Variants in KLK8 observed in about 807,000 individuals in gnomAD.
The protein encoded by KLK8 is kallikrein related peptidase 8, also known as kallikrein-8.
In KLK8, 18 loss-of-function variants were observed where a neutral mutation model predicts 26.7. The observed-to-expected ratio is 0.67, with a 90% CI of 0.47 to 1.00. The LOEUF (loss-of-function observed/expected upper bound fraction) is 1.00, where lower values mean the gene tolerates loss of function less well. Ranked by LOEUF, KLK8 falls within the 50% of genes least tolerant of loss-of-function variation. The probability of loss-of-function intolerance (pLI) is 0.00; values close to 1 mark genes in which losing one functional copy is unlikely to be tolerated. For synonymous variants in KLK8, 137 were observed against 127.1 expected (o/e 1.08, Z -0.52); for missense variants, 301 against 331.7 (o/e 0.91, Z 0.72).
chr19:51,001,245 C>T, intron 2 of KLK8, 70 bp from the exon 2 acceptor site: 1 of 1,382,770 alleles, frequency 7.2e-7, no homozygotes, highest in Non-Finnish European at 1.0e-6. Context: ...TGGATTTGGG[C>T]ACTGGGGAGG....
intron 5 of KLK8, chr19:50,998,970 G>A (rs1305906893): frequency 6.6e-6 from 1 of 152,244 alleles, no homozygotes; most frequent in Non-Finnish European, 1.5e-5. Flanking sequence ...GCGAGCACGT[G>A]TGTTTCCACA....
chr19:50,999,237 C>T (rs563117347), intron 5 of KLK8: 1 of 152,176 alleles, frequency 6.6e-6, no homozygotes, highest in East Asian at 1.9e-4. Context: ...GGCCTAGACT[C>T]CCGGGTCTGA....
Position 51,000,715 on chromosome 19 carries a change from C to T in KLK8, c.71-132G>A, listed in dbSNP as rs765193537. ...CTTAGTGAGGAGGTCCAGGCTTCCA[C>T]ACGCTGCCACACGGGGACACTCATT... On this transcript the variant is annotated intron_variant, in intron 3 of 6. Transcript: ENST00000600767. 4 of 1,531,036 alleles carry T rather than the reference C, an allele frequency of 2.6e-6. No homozygotes were observed. In the Admixed American group the frequency reaches 6.0e-5, roughly 23 times the overall value. 94.8% of individuals were successfully genotyped at this position (1,531,036 alleles called of 1,614,324 possible).
At chr19:51,000,630 C>T (rs765512862) in intron 3 of KLK8, 47 bp from the exon 3 acceptor site, 2 of 1,603,254 alleles carry the variant, frequency 1.2e-6, no homozygotes, top group South Asian at 1.1e-5. Flanking sequence ...TGGGGCAGTG[C>T]GAGGGCTGGG....
In KLK8 at chr19:51,000,505, A is replaced by T; in HGVS notation, c.149T>A (p.Leu50Ter). 6.2e-7 allele frequency: 1 copy of T among 1,614,016 alleles called. No individual in the cohort carries two copies. Among genetic ancestry groups the T allele is most frequent in the Non-Finnish European group, 8.5e-7 (1 of 1,180,008 alleles). Residue 50 changes from leucine to a stop codon, truncating the protein, a stop_gained, in exon 4 of 7, where the codon TTG becomes TAG. Transcript: ENST00000600767. LOFTEE classifies it high-confidence loss of function. ...ACAGAGTAGTTGCTGGCCCTGGAAC[A>T]AGGCCGCCTGCCAAGGCTGCGAATG...
At chr19:50,997,094 T>C (rs1236406058) in intron 6 of KLK8, among the ~76,000 whole-genome samples, 1 of 152,046 alleles carries the variant, frequency 6.6e-6, no homozygotes, top group Non-Finnish European at 1.5e-5. Context: ...GGACCAGTCA[T>C]TGGCAAAGGT....
chr19:50,996,133 C>G (rs144236055), exon 7 of KLK8: 2 of 1,614,200 alleles, frequency 1.2e-6, no homozygotes, highest in Non-Finnish European at 1.7e-6. Flanking sequence ...CCAGGTTTGT[C>G]GGACCTCCCA....
At chr19:50,997,352 C>T (rs1026305298) in intron 6 of KLK8, among the ~76,000 whole-genome samples, 2 of 151,876 alleles carry the variant, frequency 1.3e-5, no homozygotes, top group Non-Finnish European at 2.9e-5. Flanking sequence ...AGAAAAGTGG[C>T]TGACCACCGG....
At chr19:50,998,331 A>T (rs1330045035) in intron 5 of KLK8, among the ~76,000 whole-genome samples, 1 of 151,982 alleles carries the variant, frequency 6.6e-6, no homozygotes, top group Non-Finnish European at 1.5e-5. Flanking sequence ...ATTACTCCCT[A>T]TCCTTTTACG....
At chr19:50,998,913 C>T (rs1448644302) in intron 5 of KLK8, 1 of 152,092 alleles carries the variant, frequency 6.6e-6, no homozygotes. Flanking sequence ...AGGAATTTGC[C>T]CAGGGAGAAA....
chr19:50,996,297 C>A (rs1431453578), intron 6 of KLK8, 83 bp from the exon 6 acceptor site: 4 of 1,488,862 alleles, frequency 2.7e-6, no homozygotes, highest in South Asian at 1.2e-5. Context: ...TTTACCAGTT[C>A]TTTGGCATGA....
At position 51,000,533 on chromosome 19, in the gene KLK8, G is replaced by A. The variant is rs913172374; in HGVS notation, c.121C>T (p.Pro41Ser). 7 of 1,613,976 alleles carry A rather than the reference G, an allele frequency of 4.3e-6. No individual in the cohort carries two copies. The African/African-American group carries it at 5.3e-5, about 12-fold the overall frequency. The change falls in exon 4 of 7, where the codon CCC becomes TCC. Residue 41 changes from proline (P) to serine (S), a missense_variant. Coordinates refer to ENST00000600767, the Ensembl canonical transcript of KLK8. ...GCCGCCTGCCAAGGCTGCGAATGGG[G>A]TTGGCACTCATGACCCCCCAGCACC...
chr19:50,997,669 C>A, intron 6 of KLK8, 82 bp downstream of exon 5: 10 of 1,513,762 alleles, frequency 6.6e-6, no homozygotes, highest in East Asian at 2.3e-5. Context: ...CACTCCCTTA[C>A]CACCCCCACC....
At chr19:51,000,784 C>T in intron 3 of KLK8, 2 of 1,453,972 alleles carry the variant, frequency 1.4e-6, no homozygotes, top group East Asian at 2.3e-5. Flanking sequence ...CCCAAGAATG[C>T]CCCCACATGC....
At chr19:51,000,642 A>G in intron 3 of KLK8, 59 bp from the exon 3 acceptor site, 1 of 1,597,624 alleles carries the variant, frequency 6.3e-7, no homozygotes, top group Non-Finnish European at 8.6e-7. Flanking sequence ...AGGGCTGGGA[A>G]GGCCACTGTG....
chr19:51,000,091 C>T (rs2091207354), exon 5 of KLK8: 3 of 1,614,016 alleles, frequency 1.9e-6, no homozygotes, highest in Non-Finnish European at 2.5e-6. Flanking sequence ...CACTTTGGAC[C>T]CCAGGGATGC....
chr19:51,000,453 C>G (rs749484685), exon 4 of KLK8: 3 of 1,612,490 alleles, frequency 1.9e-6, no homozygotes, highest in Non-Finnish European at 2.5e-6. Flanking sequence ...CTGTAAGGAC[C>G]CAGTTGCCAC....
chr19:50,997,048 A>G (rs2122312086), intron 6 of KLK8, among the ~76,000 whole-genome samples: 1 of 152,212 alleles, frequency 6.6e-6, no homozygotes, highest in South Asian at 2.1e-4. Context: ...AAACGACTCC[A>G]TTTTTGGCCA....
intron 4 of KLK8, 37 bp from the exon 4 acceptor site, chr19:51,000,295 G>A: frequency 6.4e-7 from 1 of 1,552,324 alleles, no homozygotes; most frequent in African/African-American, 1.4e-5. Context: ...CCAGGCAGGG[G>A]TATTGCCCCC....
Sources: allele counts gnomAD v4.1 joint callset (sites outside exome capture counted in the v4.1 genomes callset), GRCh38; gene constraint gnomAD v4.1.1; transcripts MANE v1.5; gene names NCBI Gene and HGNC (gene_info 2026-07-23, HGNC 2026-07-21).